Variants in L1CAM observed in about 807,000 individuals in gnomAD.
The protein encoded by L1CAM is L1 cell adhesion molecule, also known as neural cell adhesion molecule L1.
In L1CAM, 8 loss-of-function variants were observed where a neutral mutation model predicts 93.0. The observed-to-expected ratio is 0.09, with a 90% CI of 0.05 to 0.16. L1CAM has a LOEUF of 0.16. Ranked by LOEUF, L1CAM falls within the 10% of genes least tolerant of loss-of-function variation. The pLI, the probability that L1CAM is intolerant of heterozygous loss-of-function variation, is 1.00. For missense variants in L1CAM, 777 were observed against 1,073.4 expected (o/e 0.72, Z 3.86); for synonymous variants, 453 against 453.0 (o/e 1.00, Z 0.00).
Position 153,871,078 on chromosome X carries a change from G to A in L1CAM, c.502C>T (p.Arg168Trp). Residue 168 changes from arginine (R) to tryptophan (W), a missense_variant, in exon 6 of 29, where the codon CGG (arginine) becomes TGG (tryptophan). By Grantham distance (101) the Arg-to-Trp change is moderately radical (BLOSUM62 -3). Around this residue, in one of 5 missense-constraint regions of L1CAM, gnomAD observed 574 missense variants for 781.0 expected, o/e 0.73. Transcript: ENST00000370060. ...CNPPPSAEPL[R>W]IYWMNSKILH... ...CCACTGCTGTTCATCCAGTAGATCC[G>A]GAGAGGCTCTGCACTTGGGGGAGGG... 3 of 1,211,132 alleles carry A rather than the reference G, an allele frequency of 2.5e-6. No homozygotes were observed. Among genetic ancestry groups the A allele is most frequent in the Non-Finnish European group, 3.4e-6 (3 of 895,371 alleles).
At position 153,871,313 on chromosome X, in the gene L1CAM, A is replaced by T. The variant is rs1316098479; in HGVS notation, c.401-134T>A. ...GGGCGAGAGGGTCAGGCCAGTAGAA[A>T]CTTCACAGAAAAGGAGGCAGACACT... On this transcript the variant is annotated intron_variant, in intron 5 of 28. Transcript: ENST00000370060. 27 of 572,639 alleles carry T rather than the reference A, an allele frequency of 4.7e-5. No individual in the cohort carries two copies. The East Asian group carries it at 9.0e-4, about 19-fold the overall frequency. 47.2% of individuals were successfully genotyped at this position (572,639 alleles called of 1,213,427 possible).
At chrX:153,863,651 C>G in intron 26 of L1CAM, 102 bp from the exon 27 acceptor site, 1 of 900,546 alleles carries the variant, frequency 1.1e-6, no homozygotes, top group Non-Finnish European at 1.6e-6. Flanking sequence ...CTCAACAGCG[C>G]CCAGAGGCAA....
chrX:153,865,905 C>T lies in L1CAM; in HGVS notation c.2432-86G>A, dbSNP rs782039832. The T allele has an allele frequency of 1.2e-4, 73 of 618,455 alleles. No individual in the cohort carries two copies. In the African/African-American group the frequency reaches 1.3e-3, roughly 11 times the overall value. 51.0% of individuals were successfully genotyped at this position (618,455 alleles called of 1,213,427 possible). ...CCCAAGCCCCTACACACAGAGAAGA[C>T]GAATTCGGATATTTTATGAGGTACA... On this transcript the variant is annotated intron_variant, in intron 19 of 28. Coordinates refer to ENST00000370060, the MANE Select transcript of L1CAM (RefSeq NM_001278116.2).
In L1CAM at chrX:153,862,484, G is replaced by A. The variant is rs782802557; in HGVS notation, c.*179C>T. On this transcript the variant is annotated 3_prime_UTR_variant, in exon 29 of 29. Coordinates refer to ENST00000370060, the MANE Select transcript of L1CAM (RefSeq NM_001278116.2). ...TCTGCCCAAGCTGGGGCAGAGCAGC[G>A]TGTGCCCAGGAAGGGGTGCAGCTGG... 7.0e-6 allele frequency: 3 copies of A among 427,990 alleles called. No individual in the cohort carries two copies. The highest frequency in any genetic ancestry group is 3.8e-5 in the East Asian group (1 of 26,560). The allele number at this position is 427,990 out of a possible 1,213,427, so 35.3% of individuals were successfully genotyped here. A position where few individuals can be genotyped will look rare whatever the true frequency, so the allele number is the denominator to read the frequency against.
chrX:153,883,155 C>A (rs2064854723), intron 1 of L1CAM, among the ~76,000 whole-genome samples: 1 of 111,548 alleles, frequency 9.0e-6, no homozygotes, highest in Non-Finnish European at 1.9e-5. Flanking sequence ...GGACAGGGCA[C>A]AACCTCAGGG....
intron 1 of L1CAM, chrX:153,880,723 G>A (rs1397764346): frequency 6.0e-6 from 2 of 333,638 alleles, no homozygotes; most frequent in Admixed American, 3.2e-5. Flanking sequence ...CCAGAGGTGG[G>A]GGAAGCCAGA....
chrX:153,864,065 C>A, intron 25 of L1CAM, 48 bp from the exon 26 acceptor site: 4 of 1,206,248 alleles, frequency 3.3e-6, no homozygotes, highest in Non-Finnish European at 4.5e-6. Context: ...AGCCAGAACC[C>A]GACCTGAGGC....
chrX:153,873,111 A>C, intron 3 of L1CAM, 117 bp downstream of exon 3: 6 of 708,053 alleles, frequency 8.5e-6, no homozygotes, highest in Non-Finnish European at 1.1e-5. Flanking sequence ...CATGGTGCTC[A>C]GGGAGAGCCG....
rs201072258 is a variant in L1CAM, at chrX:153,868,288, G to A, written c.1703+14C>T. ...TTTTCCCACTCTGCCCCCTTTCACC[G>A]TCACTGTCCTCACTTGTCACTGTCC... On this transcript the variant is annotated intron_variant, in intron 14 of 28. Coordinates refer to ENST00000370060, the MANE Select transcript of L1CAM (RefSeq NM_001278116.2). 1.1e-4 allele frequency: 130 copies of A among 1,208,703 alleles called. 1 individual carries two copies. The highest frequency in any genetic ancestry group is 5.5e-4 in the Admixed American group (25 of 45,675).
intron 6 of L1CAM, 47 bp downstream of exon 6, chrX:153,871,010 C>G: frequency 8.3e-7 from 1 of 1,211,021 alleles, no homozygotes; most frequent in East Asian, 3.0e-5. Flanking sequence ...GGAAGACACC[C>G]CCGCTAACAC....
Position 153,867,338 on chromosome X carries a change from G to A in L1CAM, c.2137+18C>T, listed in dbSNP as rs782318324. ...GCCCCTTCCAGGTGGCATGGGAGTG[G>A]GTGCCACCCTGACTCACCTGCCTCA... On this transcript the variant is annotated intron_variant, in intron 17 of 28. Coordinates refer to ENST00000370060, the MANE Select transcript of L1CAM (RefSeq NM_001278116.2). 8.4e-7 allele frequency: 1 copy of A among 1,193,696 alleles called. No individual in the cohort carries two copies. The highest frequency in any genetic ancestry group is 1.1e-6 in the Non-Finnish European group (1 of 880,581).
At position 153,883,896 on chromosome X, in the gene L1CAM, G is replaced by A. The variant is rs1463004757; in HGVS notation, c.-109+2169C>T. ...CTTTGAAAGGGAACTTGGTGATCAA[G>A]GTAGGGCACACAGGCCTGTCTCCTC... is the stretch of plus-strand genomic sequence containing the variant. On this transcript the variant is annotated intron_variant, in intron 1 of 28. Transcript: ENST00000370060. 8.8e-6 allele frequency: 3 copies of A among 342,300 alleles called. No homozygotes were observed. The Admixed American group carries it at 9.3e-5, about 11-fold the overall frequency. The allele number at this position is 342,300 out of a possible 1,213,427, so 28.2% of individuals were successfully genotyped here. A position where few individuals can be genotyped will look rare whatever the true frequency, so the allele number is the denominator to read the frequency against.
rs1557089500 is a variant in L1CAM, at chrX:153,863,285, AGCCAGGGGACAATGGCACACCAGGCG to A, written c.3542+57_3542+82del. 1.6e-5 allele frequency: 17 copies of A among 1,054,179 alleles called. No individual in the cohort carries two copies. In the African/African-American group the frequency reaches 3.0e-4, roughly 18 times the overall value. 86.9% of individuals were successfully genotyped at this position (1,054,179 alleles called of 1,213,427 possible). Reference sequence around the variant, plus strand: ...GTGAGAGTCCTGTCAGAGCCCCGGCAGCCAGGGGACAATGGCACACCAGGCGCACATTGTCTATAGGGAGACCTTGC... The same window carrying A: ...GTGAGAGTCCTGTCAGAGCCCCGGCACACATTGTCTATAGGGAGACCTTGC... On this transcript the variant is annotated intron_variant, in intron 28 of 28. Coordinates refer to ENST00000370060, the MANE Select transcript of L1CAM (RefSeq NM_001278116.2).
intron 15 of L1CAM, 37 bp downstream of exon 15, chrX:153,867,961 G>T: frequency 3.3e-6 from 4 of 1,210,123 alleles, no homozygotes; most frequent in Non-Finnish European, 4.5e-6. Flanking sequence ...TGTGAGCCCC[G>T]GCCTTCTGGA....
intron 24 of L1CAM, 21 bp from the exon 25 acceptor site, chrX:153,864,498 C>T: frequency 1.7e-6 from 2 of 1,209,722 alleles, no homozygotes; most frequent in East Asian, 3.0e-5. Flanking sequence ...GAGAGGGTGG[C>T]AGCAGGGGTG....
chrX:153,875,011 C>CA (rs782349199), intron 2 of L1CAM, among the ~76,000 whole-genome samples: 3 of 112,192 alleles, frequency 2.7e-5, no homozygotes, highest in Non-Finnish European at 3.8e-5. Flanking sequence ...GTAAGGAAGT[C>CA]AAAATCACAT....
In L1CAM at chrX:153,885,316, T is replaced by C. The variant is rs1374465255; in HGVS notation, c.-109+749A>G. On this transcript the variant is annotated intron_variant, in intron 1 of 28. Coordinates refer to ENST00000370060, the MANE Select transcript of L1CAM (RefSeq NM_001278116.2). ...CACCCATGCACGGGAGGCACAGCAG[T>C]GGGTGCCCGAACCGACCTCACCCAC... The C allele has an allele frequency of 3.5e-6, 3 of 851,615 alleles. No homozygotes were observed. In the African/African-American group the frequency reaches 6.3e-5, roughly 18 times the overall value. The allele number at this position is 851,615 out of a possible 1,213,427, so 70.2% of individuals were successfully genotyped here.
At chrX:153,865,234 C>T in intron 21 of L1CAM, 24 bp from the exon 22 acceptor site, 1 of 1,207,614 alleles carries the variant, frequency 8.3e-7, no homozygotes, top group Non-Finnish European at 1.1e-6. Flanking sequence ...AACCGAGTGG[C>T]AGGTAGGTCC....
At chrX:153,869,092 G>A (rs1473516299) in intron 11 of L1CAM, 140 bp from the exon 12 acceptor site, 7 of 516,766 alleles carry the variant, frequency 1.4e-5, no homozygotes, top group Admixed American at 2.8e-5. Flanking sequence ...TGAGGCCCCC[G>A]CCAGGCTGTG....
Sources: gnomAD v4.1 joint callset for allele counts (sites outside exome capture counted in the v4.1 genomes callset) on GRCh38, gnomAD v4.1.1 for gene constraint, gnomAD v4.1.1 regional missense constraint, MANE v1.5 for transcripts, NCBI Gene and HGNC (gene_info 2026-07-23, HGNC 2026-07-21) for gene names.